ST18: variants seen among roughly 807,000 people sequenced by gnomAD.
The protein encoded by ST18 is suppression of tumorigenicity 18 protein.
In ST18, 50 loss-of-function variants were observed where a neutral mutation model predicts 110.0. The ratio of observed to expected loss-of-function variants is 0.45; its 90% CI spans 0.36 to 0.58. The LOEUF is 0.58. Ranked by LOEUF, ST18 falls within the 20% of genes least tolerant of loss-of-function variation. The pLI is 0.00. For synonymous variants in ST18, 461 were observed against 452.4 expected, an observed-to-expected ratio of 1.02 and a Z score of -0.24; for missense variants, 1,306 against 1,280.1, an observed-to-expected ratio of 1.02 and a Z score of -0.31.
chr8:52,122,367 C>T lies in ST18; in HGVS notation c.2755+3685G>A, dbSNP rs1371530592. ...ACTTGTATAGAGCAAGTATTCTCAA[C>T]TTATGAGGCTTTAAGTACTATAGTT... On this transcript the variant is annotated intron_variant, in intron 23 of 25. Transcript: ENST00000689386. 3.9e-5 allele frequency among the ~76,000 whole-genome samples: 6 copies of T among 152,034 alleles called. No individual in the cohort carries two copies. In the East Asian group the frequency reaches 1.2e-3, roughly 29 times the overall value.
intron 2 of ST18, among the ~76,000 whole-genome samples, chr8:52,247,309 G>T (rs2093942684): frequency 6.6e-6 from 1 of 152,142 alleles, no homozygotes; most frequent in South Asian, 2.1e-4. Flanking sequence ...ATATATTTCA[G>T]ATGCAAGACC....
chr8:52,281,854 A>G (rs2095383821), intron 2 of ST18, among the ~76,000 whole-genome samples: 1 of 152,228 alleles, frequency 6.6e-6, no homozygotes, highest in Non-Finnish European at 1.5e-5. Context: ...GTGTACACAA[A>G]GGCATAAGAA....
At chr8:52,274,083 C>T (rs759089755) in intron 2 of ST18, among the ~76,000 whole-genome samples, 7 of 152,084 alleles carry the variant, frequency 4.6e-5, no homozygotes, top group South Asian at 2.1e-4. Flanking sequence ...TGGCCTTAAA[C>T]CAGATAACCT....
rs1217480978 is a variant in ST18, at chr8:52,314,697, C to T, written c.-464-84620G>A. Among the ~76,000 whole-genome samples, 4 of 152,220 alleles carry T rather than the reference C, an allele frequency of 2.6e-5. No homozygotes were observed. The East Asian group carries it at 7.7e-4, about 29-fold the overall frequency. On this transcript the variant is annotated intron_variant, in intron 2 of 25. Transcript: ENST00000689386. ...ACCAACCATGGCCTCCATCATTCTT[C>T]AGGCCCATCTTCCCCTAGAACCCTC...
chr8:52,372,547 C>T (rs570628101), intron 2 of ST18, among the ~76,000 whole-genome samples: 1 of 152,370 alleles, frequency 6.6e-6, no homozygotes, highest in Admixed American at 6.5e-5. Flanking sequence ...CCATCCTGCA[C>T]CTCCATTCAC....
At chr8:52,213,043 G>A (rs1000808413) in intron 7 of ST18, among the ~76,000 whole-genome samples, 4 of 152,150 alleles carry the variant, frequency 2.6e-5, no homozygotes, top group Non-Finnish European at 5.9e-5. Flanking sequence ...AGTTTGCTCC[G>A]TAAAAAAGCT....
intron 8 of ST18, among the ~76,000 whole-genome samples, chr8:52,202,605 T>C (rs192378423): frequency 8.2e-4 from 124 of 152,134 alleles, no homozygotes; most frequent in African/African-American, 2.8e-3. Context: ...GGGAACACAA[T>C]GGGAAAAAAT....
intron 2 of ST18, among the ~76,000 whole-genome samples, chr8:52,305,514 A>G (rs1198215524): frequency 1.3e-5 from 2 of 152,220 alleles, no homozygotes; most frequent in Admixed American, 6.5e-5. Context: ...TCACTTGTCT[A>G]TTAAACAGCC....
chr8:52,400,172 G>T (rs1328466255), intron 2 of ST18, among the ~76,000 whole-genome samples: 2 of 151,894 alleles, frequency 1.3e-5, no homozygotes, highest in Non-Finnish European at 2.9e-5. Context: ...GACCTTCTTT[G>T]CTCTTACAAC....
chr8:52,305,914 T>C (rs1327074302), intron 2 of ST18, among the ~76,000 whole-genome samples: 1 of 152,206 alleles, frequency 6.6e-6, no homozygotes, highest in Non-Finnish European at 1.5e-5. Flanking sequence ...TTAAAGTGTT[T>C]GTCAGATAAA....
intron 2 of ST18, among the ~76,000 whole-genome samples, chr8:52,349,556 C>G (rs1819312198): frequency 6.6e-6 from 1 of 152,180 alleles, no homozygotes; most frequent in South Asian, 2.1e-4. Context: ...AAATGATCAT[C>G]TTTTCCTATA....
rs534517748 is a variant in ST18 at position 52,355,783 on chromosome 8, G to C, written c.-465+53545C>G. 3.8e-4 allele frequency among the ~76,000 whole-genome samples: 58 copies of C among 152,304 alleles called. 1 individual carries two copies. In the South Asian group the frequency reaches 0.012, roughly 32 times the overall value. ...TGGTTCAGGTTTCTAGTTTTAAATG[G>C]AGCAATACAGGCATTATTATCAAGG... On this transcript the variant is annotated intron_variant, in intron 2 of 25. Transcript: ENST00000689386.
chr8:52,229,365 C>T (rs1353410591), intron 3 of ST18, among the ~76,000 whole-genome samples: 1 of 152,210 alleles, frequency 6.6e-6, no homozygotes, highest in African/African-American at 2.4e-5. Flanking sequence ...AGGGAGAATG[C>T]ATTTCCTCAC....
intron 2 of ST18, among the ~76,000 whole-genome samples, chr8:52,357,617 A>G (rs564733562): frequency 6.9e-6 from 1 of 145,006 alleles, no homozygotes; most frequent in Non-Finnish European, 1.5e-5. Flanking sequence ...AGTTCAATCC[A>G]TCATGAAGAT....
chr8:52,315,297 T>A (rs1261865111), intron 2 of ST18, among the ~76,000 whole-genome samples: 1 of 152,206 alleles, frequency 6.6e-6, no homozygotes, highest in Admixed American at 6.5e-5. Context: ...ATTAAAAGGC[T>A]TCATTGTAAA....
intron 2 of ST18, among the ~76,000 whole-genome samples, chr8:52,368,979 T>C (rs141739485): frequency 1.3e-3 from 198 of 152,092 alleles, no homozygotes; most frequent in Middle Eastern, 0.01. Context: ...CACCTAACCA[T>C]ACCTAACAGC....
intron 2 of ST18, among the ~76,000 whole-genome samples, chr8:52,363,748 T>C (rs1356046418): frequency 3.3e-5 from 5 of 152,196 alleles, no homozygotes; most frequent in South Asian, 2.1e-4. Context: ...GGTTTTTTTT[T>C]CCTAGGGTTA....
At chr8:52,161,305 C>G in intron 14 of ST18, 70 bp downstream of exon 14, 1 of 1,499,424 alleles carries the variant, frequency 6.7e-7, no homozygotes, top group East Asian at 2.3e-5. Context: ...AGCCCCCTGG[C>G]CCCCAGTACA....
intron 6 of ST18, among the ~76,000 whole-genome samples, chr8:52,217,177 T>TA (rs945633690): frequency 1.4e-4 from 22 of 152,192 alleles, no homozygotes; most frequent in Non-Finnish European, 3.1e-4. Context: ...TTTTATTTTT[T>TA]AAAAAGCTGT....
Sources: gnomAD v4.1 joint callset for allele counts (sites outside exome capture counted in the v4.1 genomes callset) on GRCh38, gnomAD v4.1.1 for gene constraint, MANE v1.5 for transcripts, NCBI Gene and HGNC (gene_info 2026-07-23, HGNC 2026-07-21) for gene names.